The following LRP1B variants were observed in gnomAD, a reference collection of about 807,000 sequenced individuals.
LRP1B encodes the protein low-density lipoprotein receptor-related protein 1B.
A neutral mutation model predicts 556.6 loss-of-function variants in LRP1B; 217 were observed. That is an observed-to-expected ratio of 0.39 (90% CI 0.35 to 0.44). LRP1B has a LOEUF of 0.44. LRP1B is among the 20% of genes least tolerant of loss of function. The pLI, the probability that LRP1B is intolerant of heterozygous loss-of-function variation, is 1.00. For missense variants in LRP1B, 5,053 were observed against 5,620.8 expected, an observed-to-expected ratio of 0.90 and a Z score of 3.23; for synonymous variants, 2,047 against 1,865.8, an observed-to-expected ratio of 1.10 and a Z score of -2.50.
At chr2:141,381,383 G>T (rs1689637333) in intron 3 of LRP1B, among the ~76,000 whole-genome samples, 1 of 151,232 alleles carries the variant, frequency 6.6e-6, no homozygotes, top group South Asian at 2.1e-4. Flanking sequence ...AAAACAGAAT[G>T]AAAAAGAGTG....
intron 87 of LRP1B, among the ~76,000 whole-genome samples, chr2:140,240,710 A>G (rs1680913609): frequency 6.6e-6 from 1 of 150,914 alleles, no homozygotes; most frequent in Admixed American, 6.6e-5. Flanking sequence ...TAAGAAACCA[A>G]GCAGCCCAAC....
chr2:140,980,310 A>G (rs1353714375), intron 18 of LRP1B, among the ~76,000 whole-genome samples: 1 of 152,172 alleles, frequency 6.6e-6, no homozygotes, highest in Admixed American at 6.5e-5. Flanking sequence ...AAAGGAATCA[A>G]GTTCTCTAAA....
At chr2:141,506,554 C>T (rs1333171094) in intron 2 of LRP1B, among the ~76,000 whole-genome samples, 6 of 152,148 alleles carry the variant, frequency 3.9e-5, no homozygotes, top group African/African-American at 1.4e-4. Context: ...TTATTTATCA[C>T]TCCACTGTTA....
chr2:140,482,851 T>G (rs111452778), intron 59 of LRP1B, among the ~76,000 whole-genome samples: 1,731 of 152,282 alleles, frequency 0.011, 41 homozygotes, highest in African/African-American at 0.04. Flanking sequence ...AAGGAAACGG[T>G]AGTCAGTAGT....
chr2:141,277,518 T>G (rs993743714), intron 3 of LRP1B, among the ~76,000 whole-genome samples: 1 of 147,992 alleles, frequency 6.8e-6, no homozygotes, highest in Non-Finnish European at 1.5e-5. Flanking sequence ...TGTTGAGATA[T>G]CATTTAATAA....
intron 1 of LRP1B, among the ~76,000 whole-genome samples, chr2:141,997,310 G>A (rs1702520184): frequency 6.6e-6 from 1 of 151,582 alleles, no homozygotes; most frequent in South Asian, 2.1e-4. Flanking sequence ...GGTAGTAAGA[G>A]ATTTAACAGG....
intron 3 of LRP1B, among the ~76,000 whole-genome samples, chr2:141,387,528 T>C (rs753757166): frequency 8.5e-5 from 13 of 152,062 alleles, no homozygotes; most frequent in Non-Finnish European, 1.3e-4. Flanking sequence ...GAAAATGATA[T>C]GAACAATTGC....
intron 60 of LRP1B, among the ~76,000 whole-genome samples, chr2:140,458,644 A>C (rs1687197220): frequency 6.6e-6 from 1 of 152,062 alleles, no homozygotes; most frequent in Admixed American, 6.6e-5. Flanking sequence ...AGTAATATTT[A>C]CTTCTTTCTT....
intron 47 of LRP1B, among the ~76,000 whole-genome samples, chr2:140,530,412 A>G (rs1690639233): frequency 1.3e-5 from 2 of 152,048 alleles, no homozygotes; most frequent in Non-Finnish European, 2.9e-5. Flanking sequence ...TTTTTGTACT[A>G]TAAGGGAGAT....
At chr2:140,867,142 C>G (rs1328854192) in intron 27 of LRP1B, among the ~76,000 whole-genome samples, 2 of 152,000 alleles carry the variant, frequency 1.3e-5, no homozygotes, top group Non-Finnish European at 2.9e-5. Flanking sequence ...AACACAATCA[C>G]AAAACCAAGA....
chr2:141,580,054 A>G (rs1468292108), intron 2 of LRP1B, among the ~76,000 whole-genome samples: 1 of 152,086 alleles, frequency 6.6e-6, no homozygotes, highest in Non-Finnish European at 1.5e-5. Flanking sequence ...GAAACATTTG[A>G]CCTTGTCACC....
intron 43 of LRP1B, among the ~76,000 whole-genome samples, chr2:140,560,724 C>T (rs1490692668): frequency 1.3e-5 from 2 of 151,974 alleles, no homozygotes; most frequent in Non-Finnish European, 2.9e-5. Flanking sequence ...CAGTAAAATC[C>T]CATTCAAAAT....
intron 41 of LRP1B, among the ~76,000 whole-genome samples, chr2:140,671,759 T>A (rs1350675482): frequency 6.6e-6 from 1 of 152,206 alleles, no homozygotes; most frequent in Non-Finnish European, 1.5e-5. Context: ...TATCCTTAAC[T>A]TAATTACAGC....
At chr2:141,363,313 G>A (rs1285619854) in intron 3 of LRP1B, among the ~76,000 whole-genome samples, 1 of 152,120 alleles carries the variant, frequency 6.6e-6, no homozygotes, top group Non-Finnish European at 1.5e-5. Context: ...TCTAAGCTGA[G>A]CTTTAGAATA....
intron 32 of LRP1B, among the ~76,000 whole-genome samples, chr2:140,782,805 G>A (rs190863536): frequency 6.6e-6 from 1 of 152,112 alleles, no homozygotes; most frequent in Non-Finnish European, 1.5e-5. Context: ...CCCTTTGCAA[G>A]TCTCTAAATT....
intron 2 of LRP1B, among the ~76,000 whole-genome samples, chr2:141,615,442 C>A (rs1688261194): frequency 6.6e-6 from 1 of 152,136 alleles, no homozygotes; most frequent in Non-Finnish European, 1.5e-5. Context: ...CCCTGACACT[C>A]ATAGATGATC....
At chr2:141,726,367 AT>A (rs1198367963) in intron 2 of LRP1B, among the ~76,000 whole-genome samples, 1 of 151,750 alleles carries the variant, frequency 6.6e-6, no homozygotes, top group East Asian at 1.9e-4. Flanking sequence ...AACATATATA[AT>A]TTTTTCTAAC....
intron 32 of LRP1B, among the ~76,000 whole-genome samples, chr2:140,803,874 C>G (rs1183951649): frequency 7.4e-6 from 1 of 135,344 alleles, no homozygotes; most frequent in East Asian, 2.2e-4. Flanking sequence ...CCCACCCCCC[C>G]AACCCCCCCA....
intron 2 of LRP1B, among the ~76,000 whole-genome samples, chr2:141,637,546 T>C (rs1257430032): frequency 1.3e-5 from 2 of 152,204 alleles, no homozygotes; most frequent in East Asian, 3.9e-4. Context: ...AAATGACTGA[T>C]AACTAGGGAT....
Sources: gnomAD v4.1 joint callset for allele counts (sites outside exome capture counted in the v4.1 genomes callset) on GRCh38, gnomAD v4.1.1 for gene constraint, MANE v1.5 for transcripts, NCBI Gene and HGNC (gene_info 2026-07-23, HGNC 2026-07-21) for gene names.